The following PRKN variants were observed in gnomAD, a reference collection of about 807,000 sequenced individuals.
The protein encoded by PRKN is parkin RBR E3 ubiquitin protein ligase, also known as E3 ubiquitin-protein ligase parkin.
A neutral mutation model predicts 59.5 loss-of-function variants in PRKN; 56 were observed. That is an observed-to-expected ratio of 0.94 (90% CI 0.76 to 1.18). The LOEUF is 1.18. PRKN is among the 50% of genes most tolerant of loss of function. The pLI is 0.00. For missense variants in PRKN, 657 were observed against 596.4 expected, an observed-to-expected ratio of 1.10 and a Z score of -1.06; for synonymous variants, 250 against 222.1, an observed-to-expected ratio of 1.13 and a Z score of -1.12.
chr6:161,885,180 G>A (rs1003444717), intron 6 of PRKN, among the ~76,000 whole-genome samples: 6 of 150,576 alleles, frequency 4.0e-5, no homozygotes, highest in African/African-American at 1.2e-4. Context: ...GCTTCACCCC[G>A]GACCTACTGA....
intron 6 of PRKN, among the ~76,000 whole-genome samples, chr6:161,857,520 A>G (rs1184417271): frequency 2.0e-5 from 3 of 152,138 alleles, no homozygotes; most frequent in East Asian, 1.9e-4. Flanking sequence ...AATCAATACT[A>G]TATTTTTTAA....
chr6:161,911,775 A>G (rs1778370450), intron 6 of PRKN, among the ~76,000 whole-genome samples: 1 of 152,196 alleles, frequency 6.6e-6, no homozygotes, highest in Admixed American at 6.5e-5. Flanking sequence ...ACAGGTTAAT[A>G]AAAAATTACA....
At chr6:161,713,279 A>T (rs1215758336) in intron 7 of PRKN, among the ~76,000 whole-genome samples, 2 of 152,112 alleles carry the variant, frequency 1.3e-5, no homozygotes, top group East Asian at 3.9e-4. Context: ...GCATCTCTAC[A>T]TGTTCAGTAC....
At chr6:161,965,148 A>C (rs1461068620) in intron 6 of PRKN, among the ~76,000 whole-genome samples, 1 of 152,088 alleles carries the variant, frequency 6.6e-6, no homozygotes, top group Non-Finnish European at 1.5e-5. Context: ...TTTGAGATAA[A>C]TCTTTGCTAA....
At chr6:162,498,098 T>C (rs982047137) in intron 1 of PRKN, among the ~76,000 whole-genome samples, 29 of 152,278 alleles carry the variant, frequency 1.9e-4, no homozygotes, top group African/African-American at 6.7e-4. Context: ...AAAAAGAATG[T>C]ATACATCCTT....
rs55714271 is a variant in PRKN, at chr6:161,897,966, C to CAAAAAAAAAA, written c.734+75326_734+75335dup. Among the ~76,000 whole-genome samples, 10 of 38,286 alleles carry CAAAAAAAAAA rather than the reference C, an allele frequency of 2.6e-4. 1 individual carries two copies. Among genetic ancestry groups the CAAAAAAAAAA allele is most frequent in the Non-Finnish European group, 4.1e-4 (9 of 21,910 alleles). 25.1% of individuals were successfully genotyped at this position (38,286 alleles called of 152,430 possible). A position where few individuals can be genotyped will look rare whatever the true frequency, so the allele number is the denominator to read the frequency against. On this transcript the variant is annotated intron_variant, in intron 6 of 11. Coordinates refer to ENST00000366898, the MANE Select transcript of PRKN (RefSeq NM_004562.3). ...TGGGTGACAGAGCGAGACTCCGTCT[C>CAAAAAAAAAA]AAAAAAAAAAAAAAAAAAGTCTCCC...
intron 7 of PRKN, among the ~76,000 whole-genome samples, chr6:161,591,503 G>A (rs1781724324): frequency 1.3e-5 from 2 of 152,148 alleles, no homozygotes; most frequent in African/African-American, 4.8e-5. Flanking sequence ...ATAGTTCAAT[G>A]TTGTTTTTTT....
chr6:162,484,444 G>A (rs978361364), intron 1 of PRKN, among the ~76,000 whole-genome samples: 3 of 152,100 alleles, frequency 2.0e-5, no homozygotes, highest in African/African-American at 7.2e-5. Flanking sequence ...ATAATGGATC[G>A]GGGGAAGGGG....
intron 3 of PRKN, among the ~76,000 whole-genome samples, chr6:162,206,420 A>T (rs1353275325): frequency 1.3e-5 from 2 of 152,166 alleles, no homozygotes; most frequent in Non-Finnish European, 2.9e-5. Context: ...TGCTGGCATG[A>T]GGCGTCCCCC....
rs35184111 is a variant in PRKN at position 162,087,589 on chromosome 6, C to CTTTTTTT, written c.535-33422_535-33416dup. Reference sequence around the variant, plus strand: ...CCTACAGGTGCTTAGAGAATAATTTCTTTTTTTTTTTTTTTTTTTTTCTGA... The same window carrying CTTTTTTT: ...CCTACAGGTGCTTAGAGAATAATTTCTTTTTTTTTTTTTTTTTTTTTTTTTTTTCTGA... On this transcript the variant is annotated intron_variant, in intron 4 of 11. Coordinates refer to ENST00000366898, the MANE Select transcript of PRKN (RefSeq NM_004562.3). Among the ~76,000 whole-genome samples the CTTTTTTT allele has an allele frequency of 6.8e-5, 7 of 102,690 alleles. No homozygotes were observed. In the East Asian group the frequency reaches 9.7e-4, roughly 14 times the overall value. The allele number at this position is 102,690 out of a possible 152,430, so 67.4% of individuals were successfully genotyped here.
chr6:161,773,479 C>T (rs969744967), intron 7 of PRKN, among the ~76,000 whole-genome samples: 2 of 152,064 alleles, frequency 1.3e-5, no homozygotes, highest in Non-Finnish European at 1.5e-5. Flanking sequence ...TCAATCAACC[C>T]ATCCATCCAT....
chr6:161,693,780 C>T (rs1785903235), intron 7 of PRKN, among the ~76,000 whole-genome samples: 1 of 152,150 alleles, frequency 6.6e-6, no homozygotes, highest in Non-Finnish European at 1.5e-5. Flanking sequence ...AATGGGTGCA[C>T]AGCTACTAAA....
intron 9 of PRKN, among the ~76,000 whole-genome samples, chr6:161,455,603 C>T (rs562822141): frequency 5.0e-4 from 76 of 152,180 alleles, no homozygotes; most frequent in African/African-American, 1.7e-3. Flanking sequence ...CAGGGGCTCA[C>T]GCCTGTAATC....
intron 1 of PRKN, among the ~76,000 whole-genome samples, chr6:162,524,423 T>A (rs1007042583): frequency 1.3e-5 from 2 of 152,182 alleles, no homozygotes; most frequent in African/African-American, 4.8e-5. Flanking sequence ...CTGATTTTGG[T>A]AATAGTCTTG....
chr6:162,522,392 G>A (rs1415632918), intron 1 of PRKN, among the ~76,000 whole-genome samples: 1 of 152,214 alleles, frequency 6.6e-6, no homozygotes, highest in Admixed American at 6.5e-5. Flanking sequence ...CCAAAGTGCT[G>A]GGATTAGTGG....
intron 6 of PRKN, among the ~76,000 whole-genome samples, chr6:161,878,182 C>T (rs1794805872): frequency 6.6e-6 from 1 of 152,072 alleles, no homozygotes; most frequent in African/African-American, 2.4e-5. Context: ...CTGATTACAA[C>T]CGATGAGTTG....
chr6:161,556,625 G>A (rs1780249274), intron 8 of PRKN, among the ~76,000 whole-genome samples: 1 of 152,182 alleles, frequency 6.6e-6, no homozygotes, highest in South Asian at 2.1e-4. Flanking sequence ...TAAAATATGT[G>A]TGATAATGGT....
intron 7 of PRKN, among the ~76,000 whole-genome samples, chr6:161,749,599 A>G (rs1010709010): frequency 1.3e-5 from 2 of 152,054 alleles, no homozygotes; most frequent in Non-Finnish European, 2.9e-5. Flanking sequence ...ACCTCTTATC[A>G]TTAAGAGGGA....
chr6:162,094,053 G>A (rs553498413), intron 4 of PRKN, among the ~76,000 whole-genome samples: 2 of 152,296 alleles, frequency 1.3e-5, no homozygotes, highest in Admixed American at 6.5e-5. Flanking sequence ...GCACTGGGCA[G>A]TGGTTCCATT....
Sources: gnomAD v4.1 joint callset for allele counts (sites outside exome capture counted in the v4.1 genomes callset) on GRCh38, gnomAD v4.1.1 for gene constraint, MANE v1.5 for transcripts, NCBI Gene and HGNC (gene_info 2026-07-23, HGNC 2026-07-21) for gene names.